Variants in CD59 observed in about 807,000 individuals in gnomAD.
CD59 encodes CD59 molecule (CD59 blood group), also known as CD59 glycoprotein.
CD59 carries 3 observed loss-of-function variants against 7.0 expected under a neutral mutation model. The ratio of observed to expected loss-of-function variants is 0.43; its 90% CI spans 0.19 to 1.10. The LOEUF (loss-of-function observed/expected upper bound fraction) is 1.10, where lower values mean the gene tolerates loss of function less well. Ranked by LOEUF, CD59 falls within the 50% of genes least tolerant of loss-of-function variation. The pLI, the probability that CD59 is intolerant of heterozygous loss-of-function variation, is 0.29. For synonymous variants in CD59, 60 were observed against 62.0 expected (o/e 0.97, Z 0.15); for missense variants, 143 against 151.0 (o/e 0.95, Z 0.28).
Position 33,722,479 on chromosome 11 carries a change from A to G in CD59, c.-18-16T>C. On this transcript the variant is annotated splice_polypyrimidine_tract_variant and intron_variant, in intron 1 of 3. Coordinates refer to ENST00000642928, the MANE Select transcript of CD59 (RefSeq NM_000611.6). ...TCCACAGAACCTGGAAGGAAGGGAC[A>G]GGAAGGAATGTCAGGAACGAACAAA... 1 of 1,613,218 alleles carries G rather than the reference A, an allele frequency of 6.2e-7. No individual in the cohort carries two copies. Among genetic ancestry groups the G allele is most frequent in the East Asian group, 2.2e-5 (1 of 44,834 alleles).
intron 1 of CD59, among the ~76,000 whole-genome samples, chr11:33,726,975 A>G (rs1221794109): frequency 6.6e-6 from 1 of 152,246 alleles, no homozygotes; most frequent in East Asian, 1.9e-4. Flanking sequence ...CTAAACCAGG[A>G]AGAAGTCGAA....
In CD59 at chr11:33,703,569, G is replaced by A. The variant is rs1274109636; in HGVS notation, c.*6557C>T. The A allele has an allele frequency of 6.6e-6, 1 of 152,200 alleles. No individual in the cohort carries two copies. The highest frequency in any genetic ancestry group is 1.5e-5 in the Non-Finnish European group (1 of 68,064). 9.4% of individuals were successfully genotyped at this position (152,200 alleles called of 1,614,324 possible). ...ACACAAGTCCCTCTTCGTTGATCAG[G>A]GTCAGTTGAAAGATGTAGCTGTCGG... On this transcript the variant is annotated 3_prime_UTR_variant, in exon 4 of 4. Coordinates refer to ENST00000642928, the MANE Select transcript of CD59 (RefSeq NM_000611.6).
At chr11:33,723,802 A>T (rs1007564589) in intron 1 of CD59, among the ~76,000 whole-genome samples, 1 of 152,142 alleles carries the variant, frequency 6.6e-6, no homozygotes, top group Non-Finnish European at 1.5e-5. Flanking sequence ...TCCAGTATAC[A>T]AGGAACTGCT....
At chr11:33,734,748 A>C (rs932520122) in intron 1 of CD59, among the ~76,000 whole-genome samples, 2 of 152,246 alleles carry the variant, frequency 1.3e-5, no homozygotes, top group African/African-American at 4.8e-5. Flanking sequence ...ATAAGTAAAA[A>C]GAAGTCTTTG....
intron 1 of CD59, among the ~76,000 whole-genome samples, chr11:33,735,054 G>C (rs1314867811): frequency 6.6e-6 from 1 of 152,182 alleles, no homozygotes; most frequent in Non-Finnish European, 1.5e-5. Context: ...AGGACTGTTT[G>C]GCTTGTAGGG....
At chr11:33,716,703 A>G (rs1362858807) in intron 3 of CD59, among the ~76,000 whole-genome samples, 1 of 152,230 alleles carries the variant, frequency 6.6e-6, no homozygotes, top group East Asian at 1.9e-4. Context: ...CAGACTGGAC[A>G]GGACTTGTGC....
intron 2 of CD59, chr11:33,719,752 G>A (rs889474126): frequency 3.9e-5 from 6 of 152,296 alleles, no homozygotes; most frequent in Non-Finnish European, 5.9e-5. Flanking sequence ...CAGAGCTGGC[G>A]GCAGCCCTGG....
Position 33,710,029 on chromosome 11 carries a change from A to T in CD59, c.*97T>A. 3 of 978,216 alleles carry T rather than the reference A, an allele frequency of 3.1e-6. No homozygotes were observed. Among genetic ancestry groups the T allele is most frequent in the Non-Finnish European group, 4.8e-6 (3 of 626,294 alleles). The allele number at this position is 978,216 out of a possible 1,614,324, so 60.6% of individuals were successfully genotyped here. Reference sequence around the variant, plus strand: ...GCTAATTTTATTCTTTCCCAACAGGATCCATTTGGAAAATATCAAGCCTTT... The same window carrying T: ...GCTAATTTTATTCTTTCCCAACAGGTTCCATTTGGAAAATATCAAGCCTTT... On this transcript the variant is annotated 3_prime_UTR_variant, in exon 4 of 4. Coordinates refer to ENST00000642928, the MANE Select transcript of CD59 (RefSeq NM_000611.6).
intron 1 of CD59, among the ~76,000 whole-genome samples, chr11:33,727,262 GAAA>G (rs1854285481): frequency 6.6e-6 from 1 of 152,086 alleles, no homozygotes; most frequent in Non-Finnish European, 1.5e-5. Flanking sequence ...ACATCTATGT[GAAA>G]ATCCTCAATA....
At chr11:33,713,292 G>C (rs575751159) in intron 3 of CD59, among the ~76,000 whole-genome samples, 1 of 152,188 alleles carries the variant, frequency 6.6e-6, no homozygotes, top group African/African-American at 2.4e-5. Flanking sequence ...ATTTGTCCTT[G>C]CCCTGAAAGT....
At chr11:33,731,481 TAA>T (rs1446971685) in intron 1 of CD59, 2 of 152,010 alleles carry the variant, frequency 1.3e-5, no homozygotes, top group East Asian at 1.9e-4. Flanking sequence ...AGGACGAAAA[TAA>T]AAGAGGGTCA....
chr11:33,716,226 T>A (rs1472460017), intron 3 of CD59, among the ~76,000 whole-genome samples: 1 of 152,236 alleles, frequency 6.6e-6, no homozygotes, highest in Non-Finnish European at 1.5e-5. Context: ...ATCAAAATTA[T>A]CAGATGCCCC....
intron 1 of CD59, among the ~76,000 whole-genome samples, chr11:33,732,368 G>C (rs1024247836): frequency 2.6e-5 from 4 of 151,984 alleles, no homozygotes; most frequent in Non-Finnish European, 5.9e-5. Flanking sequence ...GTTTGAAAGT[G>C]TGTAGCACTT....
intron 1 of CD59, among the ~76,000 whole-genome samples, chr11:33,734,133 C>T (rs1854496621): frequency 6.6e-6 from 1 of 152,220 alleles, no homozygotes. Flanking sequence ...ACCTTGGAGA[C>T]ATACACAATA....
intron 1 of CD59, among the ~76,000 whole-genome samples, chr11:33,724,572 G>A (rs533016147): frequency 6.6e-6 from 1 of 152,338 alleles, no homozygotes; most frequent in South Asian, 2.1e-4. Context: ...GTGCTACTCA[G>A]GAGTAATGAG....
intron 3 of CD59, among the ~76,000 whole-genome samples, chr11:33,712,331 G>C (rs1041073321): frequency 6.6e-6 from 1 of 152,158 alleles, no homozygotes; most frequent in Non-Finnish European, 1.5e-5. Flanking sequence ...GTTTCCACAT[G>C]AATGTTCATG....
chr11:33,712,595 A>G (rs1314858433), intron 3 of CD59, among the ~76,000 whole-genome samples: 2 of 152,244 alleles, frequency 1.3e-5, no homozygotes, highest in Non-Finnish European at 2.9e-5. Flanking sequence ...ATCTATGAAG[A>G]CAGAAAGTAC....
chr11:33,718,800 C>T (rs902037805), intron 2 of CD59: 1 of 152,164 alleles, frequency 6.6e-6, no homozygotes, highest in Admixed American at 6.5e-5. Context: ...GTTATTTTTC[C>T]TTCTCCATTT....
chr11:33,731,226 C>T (rs1196722285), intron 1 of CD59, among the ~76,000 whole-genome samples: 2 of 151,290 alleles, frequency 1.3e-5, no homozygotes, highest in Non-Finnish European at 2.9e-5. Context: ...GTTTTAGGGT[C>T]AACTGTATAT....
Sources: allele counts gnomAD v4.1 joint callset (sites outside exome capture counted in the v4.1 genomes callset), GRCh38; gene constraint gnomAD v4.1.1; transcripts MANE v1.5; gene names NCBI Gene and HGNC (gene_info 2026-07-23, HGNC 2026-07-21).